Variants in GUCY1A2 observed in about 807,000 individuals in gnomAD.
GUCY1A2 encodes guanylate cyclase 1 soluble subunit alpha 2.
Under a neutral mutation model 63.5 loss-of-function variants are expected in GUCY1A2, and 27 were observed. The ratio of observed to expected loss-of-function variants is 0.43; its 90% CI spans 0.31 to 0.59. The LOEUF (loss-of-function observed/expected upper bound fraction) is 0.59, where lower values mean the gene tolerates loss of function less well. Among genes scored for constraint, GUCY1A2 ranks in the 20% least tolerant of loss-of-function variants. GUCY1A2 has a pLI of 0.11. For synonymous variants in GUCY1A2, 364 were observed against 343.5 expected, an observed-to-expected ratio of 1.06 and a Z score of -0.66; for missense variants, 768 against 913.3, an observed-to-expected ratio of 0.84 and a Z score of 2.05.
intron 5 of GUCY1A2, among the ~76,000 whole-genome samples, chr11:106,804,013 T>C (rs917047347): frequency 6.6e-6 from 1 of 152,250 alleles, no homozygotes; most frequent in Non-Finnish European, 1.5e-5. Flanking sequence ...TCTGTGACTT[T>C]CACCTTACTT....
At chr11:106,849,685 C>A (rs760541725) in intron 4 of GUCY1A2, among the ~76,000 whole-genome samples, 1 of 150,930 alleles carries the variant, frequency 6.6e-6, no homozygotes, top group Non-Finnish European at 1.5e-5. Flanking sequence ...GAAAAGGTAA[C>A]CCCCATTTAA....
rs1862349422 is a variant in GUCY1A2, at chr11:106,676,534, G to A, written c.*11015C>T. The A allele has an allele frequency of 5.4e-6, 1 of 186,688 alleles. No individual in the cohort carries two copies. The highest frequency in any genetic ancestry group is 1.1e-5 in the Non-Finnish European group (1 of 88,544). The allele number at this position is 186,688 out of a possible 1,614,324, so 11.6% of individuals were successfully genotyped here. A position where few individuals can be genotyped will look rare whatever the true frequency, so the allele number is the denominator to read the frequency against. ...TACATTGTATATTGCTTTTTCAATA[G>A]AGTAGACATAAAATTGATGACAAAT... On this transcript the variant is annotated 3_prime_UTR_variant, in exon 8 of 8. Transcript: ENST00000526355.
Position 106,684,392 on chromosome 11 carries a change from G to A in GUCY1A2, c.*3157C>T, listed in dbSNP as rs934893462. 4.7e-5 allele frequency: 9 copies of A among 191,426 alleles called. No individual in the cohort carries two copies. The highest frequency in any genetic ancestry group is 3.9e-4 in the South Asian group (2 of 5,170). 11.9% of individuals were successfully genotyped at this position (191,426 alleles called of 1,614,324 possible). On this transcript the variant is annotated 3_prime_UTR_variant, in exon 8 of 8. Coordinates refer to ENST00000526355, the MANE Select transcript of GUCY1A2 (RefSeq NM_000855.3). ...GCTATGTCTTCTTCCCCTTCTCTAC[G>A]TTATATAGACAAGAGATCCAACTAC...
At chr11:107,004,221 A>C (rs1198167318) in intron 1 of GUCY1A2, among the ~76,000 whole-genome samples, 1 of 152,212 alleles carries the variant, frequency 6.6e-6, no homozygotes, top group Non-Finnish European at 1.5e-5. Context: ...GAAATATATA[A>C]AATACTGAAA....
At chr11:106,692,682 A>G (rs1395435161) in intron 7 of GUCY1A2, among the ~76,000 whole-genome samples, 2 of 152,208 alleles carry the variant, frequency 1.3e-5, no homozygotes, top group Non-Finnish European at 2.9e-5. Context: ...TTCAGCAGTC[A>G]ACTGGTCAAC....
At position 107,017,922 on chromosome 11, in the gene GUCY1A2, G is replaced by A. The variant is rs747536208; in HGVS notation, c.134C>T (p.Pro45Leu). 9.6e-5 allele frequency: 125 copies of A among 1,298,444 alleles called. No individual in the cohort carries two copies. The highest frequency in any genetic ancestry group is 4.3e-4 in the Admixed American group (12 of 28,044). 80.4% of individuals were successfully genotyped at this position (1,298,444 alleles called of 1,614,324 possible). ...AGCTGCGGCCGGGCTGGGCTCCAGCGGCCCGGGCGGGCTCCGGCTGCCATT... is the reference window on the plus strand; with the variant it reads ...AGCTGCGGCCGGGCTGGGCTCCAGCAGCCCGGGCGGGCTCCGGCTGCCATT... ...CWNGSRSPPG[P>L]LEPSPAAAAA... The change falls in exon 1 of 8, where the codon CCG becomes CTG. Residue 45 changes from proline to leucine, a missense_variant. Physicochemically the swap from Pro to Leu is moderately conservative, Grantham distance 98. Coordinates refer to ENST00000526355, the MANE Select transcript of GUCY1A2 (RefSeq NM_000855.3).
Position 106,680,988 on chromosome 11 carries a change from A to G in GUCY1A2, c.*6561T>C, listed in dbSNP as rs1862423070. The G allele has an allele frequency of 4.9e-6, 1 of 203,500 alleles. No individual in the cohort carries two copies. Among genetic ancestry groups the G allele is most frequent in the Non-Finnish European group, 1.0e-5 (1 of 99,192 alleles). 12.6% of individuals were successfully genotyped at this position (203,500 alleles called of 1,614,324 possible). ...TTGATTTTAGCTGTAATCCTTATACATTATTCTAAATGATGAAGTAAATTT... is the reference window on the plus strand; with the variant it reads ...TTGATTTTAGCTGTAATCCTTATACGTTATTCTAAATGATGAAGTAAATTT... On this transcript the variant is annotated 3_prime_UTR_variant, in exon 8 of 8. Transcript: ENST00000526355.
At chr11:106,835,797 T>A (rs1231601226) in intron 4 of GUCY1A2, among the ~76,000 whole-genome samples, 1 of 151,646 alleles carries the variant, frequency 6.6e-6, no homozygotes, top group African/African-American at 2.4e-5. Flanking sequence ...ATTTTTATAA[T>A]GCTAATGAGA....
At chr11:106,928,877 A>AT (rs924752681) in intron 4 of GUCY1A2, among the ~76,000 whole-genome samples, 10 of 152,198 alleles carry the variant, frequency 6.6e-5, no homozygotes, top group Admixed American at 5.2e-4. Context: ...TAAACCATCA[A>AT]TGTGTAGTGT....
Position 106,909,355 on chromosome 11 carries a change from CTG to C in GUCY1A2, c.1206+30103_1206+30104del, listed in dbSNP as rs59067320. Among the ~76,000 whole-genome samples the C allele has an allele frequency of 2.6e-3, 313 of 120,020 alleles. 1 individual carries two copies. The highest frequency in any genetic ancestry group is 5.1e-3 in the African/African-American group (160 of 31,318). The allele number at this position is 120,020 out of a possible 152,430, so 78.7% of individuals were successfully genotyped here. A position where few individuals can be genotyped will look rare whatever the true frequency, so the allele number is the denominator to read the frequency against. On this transcript the variant is annotated intron_variant, in intron 4 of 7. Transcript: ENST00000526355. ...ATCTGATTTTCCTGGTGGTACTCAT[CTG>C]TGTGTGTGTGTGTGTGTGTGTGTGT...
chr11:106,781,401 C>T (rs1361583489), intron 5 of GUCY1A2, among the ~76,000 whole-genome samples: 3 of 152,152 alleles, frequency 2.0e-5, no homozygotes, highest in East Asian at 1.9e-4. Context: ...ACTAAAAATA[C>T]ATACAACTGC....
intron 5 of GUCY1A2, among the ~76,000 whole-genome samples, chr11:106,796,005 A>C (rs1169079866): frequency 1.3e-5 from 2 of 152,148 alleles, no homozygotes; most frequent in African/African-American, 4.8e-5. Flanking sequence ...TATTGGGTGC[A>C]TATATATTTA....
rs1565255110 is a variant in GUCY1A2, at chr11:106,680,366, T to C, written c.*7183A>G. The stretch of plus-strand genomic sequence containing the variant: ...TTCTTTATCTGCAAATAGCAAAAAG[T>C]CCACAGAAGAAGACTGAATATAAAG... On this transcript the variant is annotated 3_prime_UTR_variant, in exon 8 of 8. Coordinates refer to ENST00000526355, the MANE Select transcript of GUCY1A2 (RefSeq NM_000855.3). 1 of 210,714 alleles carries C rather than the reference T, an allele frequency of 4.7e-6. No individual in the cohort carries two copies. Among genetic ancestry groups the C allele is most frequent in the Non-Finnish European group, 9.6e-6 (1 of 103,878 alleles). The allele number at this position is 210,714 out of a possible 1,614,324, so 13.1% of individuals were successfully genotyped here.
At chr11:106,835,623 G>A (rs1469060539) in intron 4 of GUCY1A2, among the ~76,000 whole-genome samples, 1 of 151,252 alleles carries the variant, frequency 6.6e-6, no homozygotes, top group East Asian at 2.0e-4. Context: ...TCCAGAATTA[G>A]ACGCTTAGTC....
At chr11:106,944,097 C>T (rs1013647303) in intron 3 of GUCY1A2, among the ~76,000 whole-genome samples, 33 of 150,940 alleles carry the variant, frequency 2.2e-4, no homozygotes, top group African/African-American at 8.0e-4. Context: ...AGTCCGTAGT[C>T]CCAGCTACTC....
Position 106,979,049 on chromosome 11 carries a change from T to C in GUCY1A2, c.366-309A>G, listed in dbSNP as rs1171392142. On this transcript the variant is annotated intron_variant, in intron 2 of 7. Transcript: ENST00000526355. ...GAGCACTTCATCAAGGCTAGTGATCTGTTTCTATAAGGAAGCTGCCTAGAA... is the reference window on the plus strand; with the variant it reads ...GAGCACTTCATCAAGGCTAGTGATCCGTTTCTATAAGGAAGCTGCCTAGAA... Among the ~76,000 whole-genome samples the C allele has an allele frequency of 2.0e-5, 3 of 152,258 alleles. No homozygotes were observed. The East Asian group carries it at 5.8e-4, about 29-fold the overall frequency.
At chr11:106,886,089 C>T (rs1300570701) in intron 4 of GUCY1A2, among the ~76,000 whole-genome samples, 3 of 152,130 alleles carry the variant, frequency 2.0e-5, no homozygotes, top group Admixed American at 2.0e-4. Flanking sequence ...TTCTTGATCA[C>T]AAGAGAGCCA....
At chr11:106,739,100 TC>T in intron 6 of GUCY1A2, among the ~76,000 whole-genome samples, 1 of 152,308 alleles carries the variant, frequency 6.6e-6, no homozygotes, top group East Asian at 1.9e-4. Context: ...CCTGAAAAGG[TC>T]CTTCACATCC....
At chr11:106,960,463 TCTG>T in intron 3 of GUCY1A2, among the ~76,000 whole-genome samples, 1 of 152,224 alleles carries the variant, frequency 6.6e-6, no homozygotes, top group Non-Finnish European at 1.5e-5. Flanking sequence ...AACAGAGTAG[TCTG>T]CTATTAATTT....
Sources: allele counts gnomAD v4.1 joint callset (sites outside exome capture counted in the v4.1 genomes callset), GRCh38; gene constraint gnomAD v4.1.1; transcripts MANE v1.5; gene names NCBI Gene and HGNC (gene_info 2026-07-23, HGNC 2026-07-21).